Variants in CCR6 observed in about 807,000 individuals in gnomAD.
CCR6 encodes the protein C-C chemokine receptor type 6.
A neutral mutation model predicts 3.0 loss-of-function variants in CCR6; 2 were observed. The ratio of observed to expected loss-of-function variants is 0.66; its 90% confidence interval spans 0.27 to 2.07. The LOEUF is 2.07. Ranked by LOEUF, CCR6 falls within the 30% of genes most tolerant of loss-of-function variation. The pLI is 0.14. For missense variants in CCR6, 322 were observed against 462.8 expected (o/e 0.70, Z 2.79); for synonymous variants, 193 against 184.3 (o/e 1.05, Z -0.38).
intron 1 of CCR6, among the ~76,000 whole-genome samples, chr6:167,135,434 C>A (rs1347085482): frequency 6.6e-6 from 1 of 152,198 alleles, no homozygotes; most frequent in East Asian, 1.9e-4. Flanking sequence ...CAGCGCCTTC[C>A]CAGGCTGGAG....
chr6:167,115,050 A>G (rs548520490), intron 1 of CCR6: 1 of 152,382 alleles, frequency 6.6e-6, no homozygotes, highest in East Asian at 1.9e-4. Context: ...TAATAAAATC[A>G]GTCATTTTCC....
intron 1 of CCR6, chr6:167,129,469 G>C (rs41381748): frequency 2.9e-4 from 44 of 152,260 alleles, no homozygotes; most frequent in African/African-American, 1.1e-3. Flanking sequence ...CTCATTCGGA[G>C]GCATTATCTT....
At chr6:167,133,151 TAC>T (rs1008265384) in intron 1 of CCR6, among the ~76,000 whole-genome samples, 1 of 152,252 alleles carries the variant, frequency 6.6e-6, no homozygotes, top group African/African-American at 2.4e-5. Flanking sequence ...TCAATTTTTT[TAC>T]AGTTCATTCT....
rs1324469109 is a variant in CCR6 at position 167,133,930 on chromosome 6, GTGTATATA to G, written c.-97-2106_-97-2099del. Among the ~76,000 whole-genome samples, 73 of 29,046 alleles carry G rather than the reference GTGTATATA, an allele frequency of 2.5e-3. 1 individual carries two copies. Among genetic ancestry groups the G allele is most frequent in the African/African-American group, 6.9e-3 (58 of 8,410 alleles). The allele number at this position is 29,046 out of a possible 152,430, so 19.1% of individuals were successfully genotyped here. On this transcript the variant is annotated intron_variant, in intron 1 of 2. Transcript: ENST00000341935. ...TGATACTATTATATATGATATATGT[GTGTATATA>G]TATATATATATATATATATATATAT...
chr6:167,118,903 T>C (rs976732203), upstream of CCR6, among the ~76,000 whole-genome samples: 4 of 152,184 alleles, frequency 2.6e-5, no homozygotes, highest in Admixed American at 2.6e-4. Flanking sequence ...CTCCCTTCTC[T>C]ACTCTGTGAT....
intron 1 of CCR6, among the ~76,000 whole-genome samples, chr6:167,124,326 A>G (rs957064305): frequency 4.6e-5 from 7 of 151,976 alleles, no homozygotes; most frequent in Non-Finnish European, 7.4e-5. Flanking sequence ...GAAAACAAAA[A>G]AAAAATCAAA....
rs1484252205 is a variant in CCR6 at position 167,138,364 on chromosome 6, T to C, written c.*1009T>C. On this transcript the variant is annotated 3_prime_UTR_variant, in exon 3 of 3. Coordinates refer to ENST00000341935, the MANE Select transcript of CCR6 (RefSeq NM_031409.4). ...ACTGAGACAATGTAGAAAGAAGTTT[T>C]GTTCCGTTTCTTTAATGTGGTTGAA... 6.6e-6 allele frequency: 1 copy of C among 152,308 alleles called. No individual in the cohort carries two copies. Among genetic ancestry groups the C allele is most frequent in the Non-Finnish European group, 1.5e-5 (1 of 68,032 alleles). 9.4% of individuals were successfully genotyped at this position (152,308 alleles called of 1,614,324 possible).
At chr6:167,123,737 C>G (rs1303261399) in intron 1 of CCR6, among the ~76,000 whole-genome samples, 5 of 152,048 alleles carry the variant, frequency 3.3e-5, no homozygotes, top group Admixed American at 6.5e-5. Context: ...GTCTCAGTTG[C>G]AAAGCTCTCA....
rs369165836 is a variant in CCR6, at chr6:167,136,260, T to C, written c.30T>C (p.Asp10=). MSGESMNFS[D]VFDSSEDYFV... The stretch of plus-strand genomic sequence containing the variant: ...TCCAGGAATCAATGAATTTCAGCGA[T>C]GTTTTCGACTCCAGTGAAGATTATT... Residue 10 remains aspartate (D), a synonymous_variant, in exon 3 of 3, where the codon GAT becomes GAC. Transcript: ENST00000341935. The surrounding 1 kb of genome is among the most constrained non-coding windows in gnomAD (Gnocchi z 4.6). The C allele has an allele frequency of 2.2e-5, 35 of 1,607,094 alleles. No individual in the cohort carries two copies. In the African/African-American group the frequency reaches 4.0e-4, roughly 18 times the overall value.
At chr6:167,130,977 C>CCTCCCTCCGGGACT (rs1186344219) in intron 1 of CCR6, among the ~76,000 whole-genome samples, 1 of 131,662 alleles carries the variant, frequency 7.6e-6, no homozygotes, top group African/African-American at 3.1e-5. Context: ...TCTGGGACCA[C>CCTCCCTCCGGGACT]CCTCCCTCTG....
chr6:167,122,621 G>C (rs1013279499), upstream of CCR6: 1 of 152,324 alleles, frequency 6.6e-6, no homozygotes, highest in African/African-American at 2.4e-5. This position sits in a 1 kb window ranked among gnomAD's most constrained non-coding sequence, Gnocchi z 4.2. Flanking sequence ...GGTTAGAGCT[G>C]TCATGGTCTT....
chr6:167,132,239 C>T (rs1271352153), intron 1 of CCR6, among the ~76,000 whole-genome samples: 1 of 152,170 alleles, frequency 6.6e-6, no homozygotes, highest in African/African-American at 2.4e-5. Flanking sequence ...AGTTCACAGA[C>T]ATTTGGGTCT....
intron 1 of CCR6, among the ~76,000 whole-genome samples, chr6:167,133,335 A>G (rs959231885): frequency 2.0e-5 from 3 of 152,188 alleles, no homozygotes; most frequent in African/African-American, 7.2e-5. Flanking sequence ...TGTTCATGTC[A>G]TTCCAGGACC....
upstream of CCR6, among the ~76,000 whole-genome samples, chr6:167,120,496 T>C (rs1781569484): frequency 6.6e-6 from 1 of 152,188 alleles, no homozygotes; most frequent in Non-Finnish European, 1.5e-5. Context: ...CAGAGCCTGT[T>C]TGTGAATTAA....
At chr6:167,130,369 A>G (rs973605633) in intron 1 of CCR6, among the ~76,000 whole-genome samples, 4 of 151,828 alleles carry the variant, frequency 2.6e-5, no homozygotes, top group African/African-American at 9.7e-5. Flanking sequence ...TATCTACTAA[A>G]AAACTTCTTA....
intron 1 of CCR6, chr6:167,115,089 A>T (rs1781472983): frequency 6.6e-6 from 1 of 152,266 alleles, no homozygotes; most frequent in Admixed American, 6.5e-5. Context: ...ATGAGTCTTC[A>T]GGTTCTGTAA....
intron 1 of CCR6, among the ~76,000 whole-genome samples, chr6:167,134,226 C>T (rs1018456693): frequency 6.6e-6 from 1 of 151,958 alleles, no homozygotes; most frequent in African/African-American, 2.4e-5. Flanking sequence ...TCTGTTGATC[C>T]ACCGTGGCTG....
At chr6:167,129,739 G>C (rs984326061) in intron 1 of CCR6, among the ~76,000 whole-genome samples, 1 of 151,650 alleles carries the variant, frequency 6.6e-6, no homozygotes, top group Non-Finnish European at 1.5e-5. Context: ...GATGAGACAT[G>C]ATGAGTCTCT....
At chr6:167,130,986 T>TGGGCCCCCCTCCCTCC (rs1371941354) in intron 1 of CCR6, among the ~76,000 whole-genome samples, 27 of 104,738 alleles carry the variant, frequency 2.6e-4, no homozygotes, top group Middle Eastern at 4.9e-3. Context: ...ACCCTCCCTC[T>TGGGCCCCCCTCCCTCC]GGACCCCCTC....
Sources: gnomAD v4.1 joint callset for allele counts (sites outside exome capture counted in the v4.1 genomes callset) on GRCh38, gnomAD v4.1.1 for gene constraint, Gnocchi (gnomAD v3.1) non-coding constraint, MANE v1.5 for transcripts, NCBI Gene and HGNC (gene_info 2026-07-23, HGNC 2026-07-21) for gene names.